OSBPL9: variants seen among roughly 807,000 people sequenced by gnomAD.
OSBPL9 encodes the protein oxysterol binding protein like 9, also known as oxysterol-binding protein-related protein 9.
A neutral mutation model predicts 106.6 loss-of-function variants in OSBPL9; 40 were observed. The observed-to-expected ratio is 0.38, with a 90% CI of 0.29 to 0.49. The LOEUF (loss-of-function observed/expected upper bound fraction) is 0.49. Ranked by LOEUF, OSBPL9 falls within the 20% of genes least tolerant of loss-of-function variation. The pLI, the probability that OSBPL9 is intolerant of heterozygous loss-of-function variation, is 0.97. For synonymous variants in OSBPL9, 269 were observed against 295.4 expected, an observed-to-expected ratio of 0.91 and a Z score of 0.92; for missense variants, 609 against 887.2, an observed-to-expected ratio of 0.69 and a Z score of 3.98.
rs1244616546 is a variant in OSBPL9 at position 51,765,759 on chromosome 1, T to C, written c.779-63T>C. 3 of 1,430,424 alleles carry C rather than the reference T, an allele frequency of 2.1e-6. No individual in the cohort carries two copies. In the East Asian group the frequency reaches 7.3e-5, roughly 35 times the overall value. The allele number at this position is 1,430,424 out of a possible 1,614,324, so 88.6% of individuals were successfully genotyped here. ...TGATTTTAGAAAAGTCTGCTTTGAC[T>C]CCATCTCCCTAGTTTCTTCTCTTTC... On this transcript the variant is annotated intron_variant, in intron 11 of 23. Coordinates refer to ENST00000428468, the MANE Select transcript of OSBPL9 (RefSeq NM_024586.6).
intron 15 of OSBPL9, among the ~76,000 whole-genome samples, chr1:51,777,631 T>C (rs1427034400): frequency 7.1e-6 from 1 of 140,960 alleles, no homozygotes; most frequent in African/African-American, 3.0e-5. Context: ...TTGATAAATA[T>C]ATATTTTTTT....
intron 9 of OSBPL9, chr1:51,760,216 C>T (rs952957074): frequency 6.5e-6 from 1 of 153,994 alleles, no homozygotes; most frequent in Non-Finnish European, 1.4e-5. Context: ...TGGAACCAGT[C>T]CCCCTGGATA....
At chr1:51,719,351 G>A (rs907595408) in intron 4 of OSBPL9, among the ~76,000 whole-genome samples, 7 of 152,120 alleles carry the variant, frequency 4.6e-5, no homozygotes, top group Non-Finnish European at 7.4e-5. Flanking sequence ...ACCAGAGGGC[G>A]TGCTGTGCTT....
chr1:51,547,572 C>T, the OSBPL9 span, among the ~76,000 whole-genome samples: 1 of 152,028 alleles, frequency 6.6e-6, no homozygotes, highest in African/African-American at 2.4e-5. Flanking sequence ...AGGTAGGGCA[C>T]GGTGGTTCAC....
In OSBPL9 at chr1:51,657,650, T is replaced by G. The variant is rs192129219; in HGVS notation, c.162+5609T>G. Among the ~76,000 whole-genome samples the G allele has an allele frequency of 2.6e-3, 390 of 152,322 alleles. 2 individuals carry two copies. The highest frequency in any genetic ancestry group is 4.2e-3 in the Non-Finnish European group (284 of 68,020). On this transcript the variant is annotated intron_variant, in intron 2 of 23. Coordinates refer to ENST00000428468, the MANE Select transcript of OSBPL9 (RefSeq NM_024586.6). ...AAGTGAAAAACCTTCTTTGTGTTGG[T>G]TATGAAGTGTGTGCCACTAGACGGT... is the stretch of plus-strand genomic sequence containing the variant.
At chr1:51,753,599 A>G (rs937374584) in intron 8 of OSBPL9, among the ~76,000 whole-genome samples, 2 of 152,190 alleles carry the variant, frequency 1.3e-5, no homozygotes, top group African/African-American at 4.8e-5. Flanking sequence ...TTTGAGGGAG[A>G]TAATGCCATT....
intron 1 of OSBPL9, among the ~76,000 whole-genome samples, chr1:51,649,684 C>T (rs1187116456): frequency 6.8e-6 from 1 of 147,098 alleles, no homozygotes; most frequent in Non-Finnish European, 1.5e-5. Flanking sequence ...GAGGAGCCTT[C>T]TGGAGTCCAC....
At chr1:51,531,834 A>G in the OSBPL9 span, among the ~76,000 whole-genome samples, 3 of 152,188 alleles carry the variant, frequency 2.0e-5, no homozygotes, top group East Asian at 5.8e-4. Flanking sequence ...AAGTCCAACT[A>G]CCAAGCCCTG....
the OSBPL9 span, chr1:51,519,218 G>T: frequency 1.4e-6 from 2 of 1,396,374 alleles, no homozygotes; most frequent in Non-Finnish European, 1.9e-6. Flanking sequence ...AGAGAGCTGG[G>T]CCGCCGCAGC....
chr1:51,775,952 A>C (rs1452611675), intron 14 of OSBPL9, among the ~76,000 whole-genome samples: 2 of 152,116 alleles, frequency 1.3e-5, no homozygotes, highest in African/African-American at 4.8e-5. Flanking sequence ...TATAGTGGAT[A>C]TGTAGTTATT....
At chr1:51,758,301 G>T (rs193017174) in intron 9 of OSBPL9, among the ~76,000 whole-genome samples, 82 of 152,102 alleles carry the variant, frequency 5.4e-4, no homozygotes, top group African/African-American at 1.7e-3. Flanking sequence ...GTTTTGTAAG[G>T]TGAGAACTGT....
chr1:51,607,670 C>T (rs1643958366), intron 2 of OSBPL9, among the ~76,000 whole-genome samples: 1 of 152,110 alleles, frequency 6.6e-6, no homozygotes, highest in Admixed American at 6.6e-5. Flanking sequence ...CCTTTCCTGC[C>T]ATAATCAGCC....
rs145114671 is a variant in OSBPL9 at position 51,718,740 on chromosome 1, C to G, written c.318+4661C>G. Among the ~76,000 whole-genome samples, 1,048 of 152,312 alleles carry G rather than the reference C, an allele frequency of 6.9e-3. 7 individuals carry two copies. The highest frequency in any genetic ancestry group is 0.017 in the South Asian group (83 of 4,828). ...TTGTTGGTTTCCAATTGAATCCTCACAGTAGACTGTTTTCATTGTAATCAG... is the reference window on the plus strand; with the variant it reads ...TTGTTGGTTTCCAATTGAATCCTCAGAGTAGACTGTTTTCATTGTAATCAG... On this transcript the variant is annotated intron_variant, in intron 4 of 23. Transcript: ENST00000428468.
At chr1:51,767,214 T>TA (rs1284141411) in intron 12 of OSBPL9, among the ~76,000 whole-genome samples, 2 of 151,764 alleles carry the variant, frequency 1.3e-5, no homozygotes, top group African/African-American at 4.8e-5. Context: ...GGCAACATGG[T>TA]AAAACCCTGT....
intron 4 of OSBPL9, chr1:51,740,160 T>G: frequency 6.5e-7 from 1 of 1,547,090 alleles, no homozygotes; most frequent in Non-Finnish European, 8.7e-7. Context: ...CCACACTTGC[T>G]TTTTTCCAGT....
At chr1:51,776,219 TGA>T (rs1675042274) in intron 14 of OSBPL9, among the ~76,000 whole-genome samples, 1 of 152,206 alleles carries the variant, frequency 6.6e-6, no homozygotes, top group Admixed American at 6.5e-5. Flanking sequence ...TAAATAGTAG[TGA>T]GAGCGCGAGT....
rs538013853 is a variant in OSBPL9, at chr1:51,784,840, C to T, written c.1829+258C>T. On this transcript the variant is annotated intron_variant, in intron 20 of 23. Transcript: ENST00000428468. ...GCAATGTTGAACTAAAAGAGGCCTT[C>T]CTAGGTTGCCTAGCTAAACCAGATT... 8.6e-6 allele frequency: 4 copies of T among 465,524 alleles called. No homozygotes were observed. The South Asian group carries it at 1.1e-4, about 13-fold the overall frequency. 28.8% of individuals were successfully genotyped at this position (465,524 alleles called of 1,614,324 possible). A position where few individuals can be genotyped will look rare whatever the true frequency, so the allele number is the denominator to read the frequency against.
intron 2 of OSBPL9, among the ~76,000 whole-genome samples, chr1:51,610,980 G>C (rs529018994): frequency 6.6e-6 from 1 of 152,066 alleles, no homozygotes; most frequent in African/African-American, 2.4e-5. Context: ...GGGCTGTAAA[G>C]AATGAAAGGT....
intron 4 of OSBPL9, among the ~76,000 whole-genome samples, chr1:51,731,423 C>A (rs983287207): frequency 5.9e-5 from 9 of 152,114 alleles, no homozygotes; most frequent in Admixed American, 2.0e-4. Flanking sequence ...TGCACTCTAG[C>A]CTGGATGACA....
Sources: allele counts gnomAD v4.1 joint callset (sites outside exome capture counted in the v4.1 genomes callset), GRCh38; gene constraint gnomAD v4.1.1; transcripts MANE v1.5; gene names NCBI Gene and HGNC (gene_info 2026-07-23, HGNC 2026-07-21).